Variants in RSL1D1 observed in about 807,000 individuals in gnomAD.
RSL1D1 encodes ribosomal L1 domain containing 1.
In RSL1D1, 34 loss-of-function variants were observed where a neutral mutation model predicts 44.6. The observed-to-expected ratio is 0.76, with a 90% CI of 0.58 to 1.02. The LOEUF (loss-of-function observed/expected upper bound fraction) is 1.02, where lower values mean the gene tolerates loss of function less well. Ranked by LOEUF, RSL1D1 falls within the 50% of genes least tolerant of loss-of-function variation. The pLI, the probability that RSL1D1 is intolerant of heterozygous loss-of-function variation, is 0.00. For synonymous variants in RSL1D1, 271 were observed against 207.4 expected, an observed-to-expected ratio of 1.31 and a Z score of -2.63; for missense variants, 767 against 568.1, an observed-to-expected ratio of 1.35 and a Z score of -3.56.
intron 7 of RSL1D1, among the ~76,000 whole-genome samples, chr16:11,840,190 A>G (rs938987834): frequency 1.3e-5 from 2 of 152,218 alleles, no homozygotes; most frequent in Non-Finnish European, 2.9e-5. Context: ...GCAGTAAATT[A>G]TATACCGGCA....
chr16:11,839,123 T>C (rs2053744195), intron 8 of RSL1D1, among the ~76,000 whole-genome samples: 1 of 151,962 alleles, frequency 6.6e-6, no homozygotes, highest in Non-Finnish European at 1.5e-5. Flanking sequence ...CCCAGCACTT[T>C]GGGAGGACAA....
At position 11,851,331 on chromosome 16, in the gene RSL1D1, C is replaced by A. The variant is rs887034319; in HGVS notation, c.105+77G>T. On this transcript the variant is annotated intron_variant, in intron 1 of 8. Coordinates refer to ENST00000571133, the MANE Select transcript of RSL1D1 (RefSeq NM_015659.3). ...CCCGGGGAAGTCCGCCGAGCACGCACTCGGGTTCCGGCACCCTGCGCCTCA... is the reference window on the plus strand; with the variant it reads ...CCCGGGGAAGTCCGCCGAGCACGCAATCGGGTTCCGGCACCCTGCGCCTCA... The A allele has an allele frequency of 4.3e-6, 6 of 1,386,958 alleles. No individual in the cohort carries two copies. The East Asian group carries it at 1.4e-4, about 32-fold the overall frequency. 85.9% of individuals were successfully genotyped at this position (1,386,958 alleles called of 1,614,324 possible).
intron 2 of RSL1D1, among the ~76,000 whole-genome samples, chr16:11,849,674 T>C (rs955629996): frequency 6.6e-6 from 1 of 152,138 alleles, no homozygotes; most frequent in African/African-American, 2.4e-5. Flanking sequence ...TAACAGTTTC[T>C]AATAAAAAAA....
chr16:11,840,268 G>C (rs1031727549), intron 7 of RSL1D1, among the ~76,000 whole-genome samples: 1 of 152,176 alleles, frequency 6.6e-6, no homozygotes, highest in Admixed American at 6.6e-5. Context: ...GGTTTAGAGT[G>C]TAAAGAATAA....
In RSL1D1 at chr16:11,847,785, T is replaced by A; in HGVS notation, c.267A>T (p.Arg89=). Residue 89 remains arginine (R), a synonymous_variant, in exon 3 of 9, where the codon CGA becomes CGT. Transcript: ENST00000571133. ...ATAAACAGATATCTTCTGAATCTGA[T>A]CGAATACTATGAGGCAAGGTCCTAC... ...RVRLTLPHSI[R]SDSEDICLFT... is the part of the protein sequence containing the mutation. 6.2e-7 allele frequency: 1 copy of A among 1,613,600 alleles called. No homozygotes were observed. The highest frequency in any genetic ancestry group is 8.5e-7 in the Non-Finnish European group (1 of 1,179,794).
intron 3 of RSL1D1, 71 bp from the exon 4 acceptor site, chr16:11,846,914 CA>C: frequency 7.5e-7 from 1 of 1,327,144 alleles, no homozygotes; most frequent in South Asian, 1.3e-5. Context: ...ACTTAGGCAA[CA>C]ATTTGGATTT....
intron 7 of RSL1D1, 78 bp downstream of exon 7, chr16:11,841,614 CGAT>C (rs2053764191): frequency 7.5e-7 from 1 of 1,324,710 alleles, no homozygotes; most frequent in Non-Finnish European, 1.0e-6. Flanking sequence ...AGTCGGGCAG[CGAT>C]GATGGTCTAC....
intron 5 of RSL1D1, among the ~76,000 whole-genome samples, chr16:11,843,215 G>A (rs1370178503): frequency 7.3e-5 from 11 of 151,576 alleles, no homozygotes; most frequent in Admixed American, 4.6e-4. Context: ...GATTACAGGC[G>A]TGAACCACTG....
Position 11,838,614 on chromosome 16 carries a change from T to C in RSL1D1, c.1147-501A>G, listed in dbSNP as rs989889691. 1.7e-4 allele frequency among the ~76,000 whole-genome samples: 26 copies of C among 151,826 alleles called. No homozygotes were observed. In the South Asian group the frequency reaches 2.7e-3, roughly 16 times the overall value. ...GCTCATGCCTGTAATCCCAGCACTATGGAAGGCTGAGGCAGGTGGATTACT... is the reference window on the plus strand; with the variant it reads ...GCTCATGCCTGTAATCCCAGCACTACGGAAGGCTGAGGCAGGTGGATTACT... On this transcript the variant is annotated intron_variant, in intron 8 of 8. Coordinates refer to ENST00000571133, the MANE Select transcript of RSL1D1 (RefSeq NM_015659.3).
chr16:11,844,672 G>C lies in RSL1D1; in HGVS notation c.635+1829C>G, dbSNP rs530649528. Among the ~76,000 whole-genome samples the C allele has an allele frequency of 7.2e-5, 11 of 152,316 alleles. 1 individual carries two copies. The highest frequency in any genetic ancestry group is 7.2e-4 in the Admixed American group (11 of 15,284). ...CCTCCCTGGTGAGCAGAGGCAAGAA[G>C]TCTGTGTTGTTTTCTGCCGACTGTG... On this transcript the variant is annotated intron_variant, in intron 5 of 8. Coordinates refer to ENST00000571133, the MANE Select transcript of RSL1D1 (RefSeq NM_015659.3).
Position 11,841,927 on chromosome 16 carries a change from G to A in RSL1D1, c.709C>T (p.Leu237Phe). ...IENIVAVTKG[L>F]SEKLPEKWES... Reference sequence around the variant, plus strand: ...TGTACCTCTGGCAATTTTTCTGAAAGTCCTTTGGTGACAGCAACAATGTTT... The same window carrying A: ...TGTACCTCTGGCAATTTTTCTGAAAATCCTTTGGTGACAGCAACAATGTTT... The change falls in exon 6 of 9, where the codon CTT becomes TTT. Residue 237 changes from leucine (L) to phenylalanine (F), a missense_variant. Leu to Phe is a conservative substitution (Grantham distance 22). Transcript: ENST00000571133. The A allele has an allele frequency of 6.2e-7, 1 of 1,613,838 alleles. No homozygotes were observed. The highest frequency in any genetic ancestry group is 1.1e-5 in the South Asian group (1 of 90,980).
Position 11,851,495 on chromosome 16 carries a change from C to T in RSL1D1, c.18G>A (p.Ser6=), listed in dbSNP as rs779356168. 5.6e-6 allele frequency: 9 copies of T among 1,613,746 alleles called. No individual in the cohort carries two copies. The highest frequency in any genetic ancestry group is 2.2e-5 in the East Asian group (1 of 44,898). MEDSA[S]ASLSSAAATG... ...TAGCGGCTGCAGAAGACAGCGAGGC[C>T]GAGGCCGAATCCTCCATCTTGTTTC... is the stretch of plus-strand genomic sequence containing the variant. The change falls in exon 1 of 9, where the codon TCG becomes TCA. Residue 6 remains serine (S), a synonymous_variant. Transcript: ENST00000571133.
chr16:11,837,437 G>A lies in RSL1D1; in HGVS notation c.*350C>T, dbSNP rs571827402. ...AGTGCAGTGGCTCACTGCAACCTCC[G>A]CCTCCCAGGTTCAAGCAATTCTCCT... On this transcript the variant is annotated 3_prime_UTR_variant, in exon 9 of 9. Transcript: ENST00000571133. 28 of 175,000 alleles carry A rather than the reference G, an allele frequency of 1.6e-4. No individual in the cohort carries two copies. The highest frequency in any genetic ancestry group is 6.5e-4 in the African/African-American group (26 of 40,142). 10.8% of individuals were successfully genotyped at this position (175,000 alleles called of 1,614,324 possible).
chr16:11,846,256 G>A (rs1230048452), intron 5 of RSL1D1, among the ~76,000 whole-genome samples: 2 of 151,042 alleles, frequency 1.3e-5, no homozygotes, highest in African/African-American at 2.4e-5. Context: ...TTAGCCGGGC[G>A]TGGTGGCAGG....
At position 11,836,560 on chromosome 16, in the gene RSL1D1, T is replaced by C. The variant is rs911462470; in HGVS notation, c.*1227A>G. 6.6e-6 allele frequency: 1 copy of C among 152,230 alleles called. No homozygotes were observed. Among genetic ancestry groups the C allele is most frequent in the Non-Finnish European group, 1.5e-5 (1 of 68,046 alleles). The allele number at this position is 152,230 out of a possible 1,614,324, so 9.4% of individuals were successfully genotyped here. ...TAGCAATCTACTCTTCCAAGATTCC[T>C]TGGAGTTGTCATACATAAGCAAATC... On this transcript the variant is annotated 3_prime_UTR_variant, in exon 9 of 9. Transcript: ENST00000571133.
At position 11,837,658 on chromosome 16, in the gene RSL1D1, G is replaced by C; in HGVS notation, c.*129C>G. 1 of 884,732 alleles carries C rather than the reference G, an allele frequency of 1.1e-6. No homozygotes were observed. The highest frequency in any genetic ancestry group is 1.8e-6 in the Non-Finnish European group (1 of 566,494). 54.8% of individuals were successfully genotyped at this position (884,732 alleles called of 1,614,324 possible). On this transcript the variant is annotated 3_prime_UTR_variant, in exon 9 of 9. Transcript: ENST00000571133. Reference sequence around the variant, plus strand: ...AGCCACCGCCCCTGGACTACTTATGGAGGTTTTAAAAAATCTTTTAAGTCC... The same window carrying C: ...AGCCACCGCCCCTGGACTACTTATGCAGGTTTTAAAAAATCTTTTAAGTCC...
At chr16:11,838,198 T>A (rs937111754) in intron 8 of RSL1D1, 85 bp from the exon 9 acceptor site, 1 of 1,158,012 alleles carries the variant, frequency 8.6e-7, no homozygotes, top group African/African-American at 1.6e-5. Flanking sequence ...TTTATTTGTA[T>A]TTATTTATTT....
intron 3 of RSL1D1, among the ~76,000 whole-genome samples, chr16:11,847,341 T>C (rs1002182658): frequency 3.3e-5 from 5 of 151,990 alleles, no homozygotes; most frequent in African/African-American, 1.2e-4. Context: ...TGCCATTGAA[T>C]TCCAGCCTGG....
chr16:11,850,230 AG>A, intron 2 of RSL1D1, 48 bp downstream of exon 2: 1 of 1,507,874 alleles, frequency 6.6e-7, no homozygotes, highest in South Asian at 1.3e-5. Context: ...CGAGTTACAA[AG>A]AATAAACACA....
Sources: gnomAD v4.1 joint callset for allele counts (sites outside exome capture counted in the v4.1 genomes callset) on GRCh38, gnomAD v4.1.1 for gene constraint, MANE v1.5 for transcripts, NCBI Gene and HGNC (gene_info 2026-07-23, HGNC 2026-07-21) for gene names.